PPP1R1C: variants seen among roughly 807,000 people sequenced by gnomAD.
PPP1R1C encodes protein phosphatase 1 regulatory inhibitor subunit 1C.
Under a neutral mutation model 17.4 loss-of-function variants are expected in PPP1R1C, and 15 were observed. The ratio of observed to expected loss-of-function variants is 0.86; its 90% confidence interval spans 0.58 to 1.33. PPP1R1C has a LOEUF of 1.33. PPP1R1C is among the 40% of genes most tolerant of loss of function. PPP1R1C has a pLI of 0.00. For missense variants in PPP1R1C, 143 were observed against 130.0 expected (o/e 1.10, Z -0.48); for synonymous variants, 35 against 43.1 (o/e 0.81, Z 0.73).
intron 1 of PPP1R1C, among the ~76,000 whole-genome samples, chr2:181,954,979 A>G (rs1436617250): frequency 6.6e-6 from 1 of 152,204 alleles, no homozygotes; most frequent in Non-Finnish European, 1.5e-5. Flanking sequence ...GTCTCAGGGA[A>G]AGGTGCTGAT....
chr2:182,107,174 C>T (rs1471395049), intron 4 of PPP1R1C, among the ~76,000 whole-genome samples: 1 of 152,122 alleles, frequency 6.6e-6, no homozygotes, highest in African/African-American at 2.4e-5. Flanking sequence ...AATGAACTTG[C>T]CAGAAACTTT....
At chr2:181,963,621 G>A (rs1299490660) in intron 1 of PPP1R1C, among the ~76,000 whole-genome samples, 1 of 152,000 alleles carries the variant, frequency 6.6e-6, no homozygotes, top group Non-Finnish European at 1.5e-5. Context: ...CTCCAGTCTG[G>A]GCTACAGAGA....
chr2:181,958,624 A>G (rs1376264058), intron 1 of PPP1R1C, among the ~76,000 whole-genome samples: 1 of 152,208 alleles, frequency 6.6e-6, no homozygotes, highest in Non-Finnish European at 1.5e-5. Flanking sequence ...TATAGAATAG[A>G]AGTCTTTCTT....
At chr2:182,004,517 T>C (rs996994910) in intron 2 of PPP1R1C, among the ~76,000 whole-genome samples, 2 of 152,094 alleles carry the variant, frequency 1.3e-5, no homozygotes, top group Admixed American at 1.3e-4. Context: ...GGGAAGACTA[T>C]CCAAGACACA....
At chr2:181,989,259 C>G (rs1685388864) in intron 2 of PPP1R1C, among the ~76,000 whole-genome samples, 1 of 152,168 alleles carries the variant, frequency 6.6e-6, no homozygotes, top group African/African-American at 2.4e-5. Flanking sequence ...GCTGTTTGAA[C>G]ATAGTGAAGT....
At chr2:182,033,406 C>T (rs1686904339) in intron 2 of PPP1R1C, among the ~76,000 whole-genome samples, 1 of 152,166 alleles carries the variant, frequency 6.6e-6, no homozygotes, top group African/African-American at 2.4e-5. Context: ...TAAAAATCAT[C>T]TGGATGTTTA....
chr2:182,017,005 T>C (rs1292911430), intron 2 of PPP1R1C, among the ~76,000 whole-genome samples: 2 of 152,218 alleles, frequency 1.3e-5, no homozygotes, highest in African/African-American at 4.8e-5. Context: ...TTCCTTGTCA[T>C]CACAAATTCA....
Position 181,976,602 on chromosome 2 carries a change from GTATATC to G in PPP1R1C, n.157+1358_157+1363del, listed in dbSNP as rs534019411. Among the ~76,000 whole-genome samples the G allele has an allele frequency of 5.3e-5, 8 of 151,952 alleles. No individual in the cohort carries two copies. The highest frequency in any genetic ancestry group is 1.3e-4 in the Admixed American group (2 of 15,264). ...TAATATAAATTTTATCTATATATCT[GTATATC>G]TATATCTATATCTATATCTGTATCT... On this transcript the variant is annotated intron_variant and non_coding_transcript_variant, in intron 2 of 5. Transcript: ENST00000464264. This position sits in a 1 kb window ranked among gnomAD's most constrained non-coding sequence, Gnocchi z 4.8.
chr2:182,114,582 G>A (rs554241416), intron 4 of PPP1R1C, among the ~76,000 whole-genome samples: 2 of 152,262 alleles, frequency 1.3e-5, no homozygotes, highest in Non-Finnish European at 2.9e-5. Context: ...CTTGAAGGCT[G>A]CTTCAAGGCA....
At chr2:181,963,552 T>C (rs1159266178) in intron 1 of PPP1R1C, among the ~76,000 whole-genome samples, 3 of 152,078 alleles carry the variant, frequency 2.0e-5, no homozygotes, top group Non-Finnish European at 4.4e-5. Flanking sequence ...AGCAGGAGAA[T>C]TGCTTCAACT....
chr2:181,969,563 G>T (rs1316478041), intron 1 of PPP1R1C, among the ~76,000 whole-genome samples: 1 of 152,074 alleles, frequency 6.6e-6, no homozygotes, highest in Non-Finnish European at 1.5e-5. Flanking sequence ...TTGGGAGTTT[G>T]ATTATTAAAT....
intron 4 of PPP1R1C, among the ~76,000 whole-genome samples, chr2:182,112,393 C>T (rs1689467647): frequency 6.6e-6 from 1 of 151,998 alleles, no homozygotes; most frequent in African/African-American, 2.4e-5. Flanking sequence ...TCATGACAAC[C>T]ACAATAACAA....
chr2:182,016,802 A>T (rs1322476043), intron 2 of PPP1R1C, among the ~76,000 whole-genome samples: 1 of 152,166 alleles, frequency 6.6e-6, no homozygotes, highest in African/African-American at 2.4e-5. Flanking sequence ...TGTGAGTCTG[A>T]GTTCCTGATT....
intron 2 of PPP1R1C, among the ~76,000 whole-genome samples, chr2:181,997,260 T>C (rs1021866100): frequency 6.0e-5 from 9 of 148,878 alleles, no homozygotes; most frequent in Non-Finnish European, 1.3e-4. Context: ...AGAAGACATA[T>C]ACACAAATAT....
chr2:182,110,725 C>T (rs528963993), intron 4 of PPP1R1C, among the ~76,000 whole-genome samples: 3 of 152,268 alleles, frequency 2.0e-5, no homozygotes, highest in African/African-American at 7.2e-5. Context: ...CCACTGACTC[C>T]TGCTGATCGA....
At position 181,967,099 on chromosome 2, in the gene PPP1R1C, A is replaced by C. The variant is rs1684917750; in HGVS notation, n.112-8120A>C. On this transcript the variant is annotated intron_variant and non_coding_transcript_variant, in intron 1 of 5. Transcript: ENST00000464264. This position sits in a 1 kb window ranked among gnomAD's most constrained non-coding sequence, Gnocchi z 5.5. ...CCAATTTATTGGCATATGGTTGCTC[A>C]TAGTGGTCTCTAATCATCCTTTGAA... 6.6e-6 allele frequency among the ~76,000 whole-genome samples: 1 copy of C among 152,112 alleles called. No individual in the cohort carries two copies. The highest frequency in any genetic ancestry group is 1.5e-5 in the Non-Finnish European group (1 of 68,002).
chr2:182,036,601 T>C (rs1687012702), intron 2 of PPP1R1C, among the ~76,000 whole-genome samples: 1 of 152,220 alleles, frequency 6.6e-6, no homozygotes, highest in Non-Finnish European at 1.5e-5. Context: ...CTCTGCATTC[T>C]ACTATCAACA....
intron 4 of PPP1R1C, among the ~76,000 whole-genome samples, chr2:182,074,231 C>T (rs1483115161): frequency 6.6e-6 from 1 of 151,772 alleles, no homozygotes; most frequent in Non-Finnish European, 1.5e-5. Flanking sequence ...TTAGTAGAGA[C>T]GGGGTTTCAC....
At chr2:182,027,329 A>G (rs1359752788) in intron 2 of PPP1R1C, among the ~76,000 whole-genome samples, 1 of 144,254 alleles carries the variant, frequency 6.9e-6, no homozygotes, top group Non-Finnish European at 1.5e-5. Flanking sequence ...CCCATTTAGT[A>G]TGATATTGGC....
Sources: allele counts gnomAD v4.1 joint callset (sites outside exome capture counted in the v4.1 genomes callset), GRCh38; gene constraint gnomAD v4.1.1; non-coding constraint Gnocchi (gnomAD v3.1); transcripts MANE v1.5; gene names NCBI Gene and HGNC (gene_info 2026-07-23, HGNC 2026-07-21).